The following CNTNAP2 variants were observed in gnomAD, a reference collection of about 807,000 sequenced individuals.
The protein encoded by CNTNAP2 is contactin-associated protein-like 2.
A neutral mutation model predicts 155.2 loss-of-function variants in CNTNAP2; 98 were observed. The ratio of observed to expected loss-of-function variants is 0.63; its 90% CI spans 0.54 to 0.75. CNTNAP2 has a LOEUF of 0.75. CNTNAP2 is among the 30% of genes least tolerant of loss of function. The pLI is 0.00. For missense variants in CNTNAP2, 1,727 were observed against 1,688.1 expected, an observed-to-expected ratio of 1.02 and a Z score of -0.40; for synonymous variants, 651 against 631.2, an observed-to-expected ratio of 1.03 and a Z score of -0.47.
At chr7:146,491,496 AATT>A (rs1227019843) in intron 1 of CNTNAP2, among the ~76,000 whole-genome samples, 2 of 151,556 alleles carry the variant, frequency 1.3e-5, no homozygotes, top group Non-Finnish European at 2.9e-5. Flanking sequence ...GGCGTTTTGG[AATT>A]ATTATCTGAG....
intron 13 of CNTNAP2, among the ~76,000 whole-genome samples, chr7:147,704,773 T>C (rs1796286089): frequency 6.6e-6 from 1 of 152,256 alleles, no homozygotes; most frequent in Non-Finnish European, 1.5e-5. Flanking sequence ...ATTGGTTCGT[T>C]CAGGCTTTTT....
chr7:146,434,407 C>G (rs1796213191), intron 1 of CNTNAP2, among the ~76,000 whole-genome samples: 1 of 152,118 alleles, frequency 6.6e-6, no homozygotes, highest in Non-Finnish European at 1.5e-5. Flanking sequence ...CTCTCTGGAT[C>G]CACAGGCTAA....
intron 1 of CNTNAP2, among the ~76,000 whole-genome samples, chr7:146,708,182 T>A (rs532922894): frequency 6.6e-6 from 1 of 152,300 alleles, no homozygotes; most frequent in Admixed American, 6.5e-5. Context: ...CCTTGTATTA[T>A]TAATTTTGAC....
intron 3 of CNTNAP2, among the ~76,000 whole-genome samples, chr7:146,968,278 T>G (rs1170540476): frequency 1.4e-4 from 22 of 152,156 alleles, no homozygotes; most frequent in East Asian, 5.8e-4. Flanking sequence ...TCTCTTTTTT[T>G]GTTGTGTCTC....
intron 13 of CNTNAP2, among the ~76,000 whole-genome samples, chr7:147,763,136 G>C (rs916788323): frequency 6.6e-6 from 1 of 152,070 alleles, no homozygotes; most frequent in Admixed American, 6.6e-5. Flanking sequence ...GCGCATGCCT[G>C]TAATCCCAGC....
At chr7:148,159,221 T>C (rs1805464872) in intron 17 of CNTNAP2, among the ~76,000 whole-genome samples, 2 of 152,202 alleles carry the variant, frequency 1.3e-5, no homozygotes, top group African/African-American at 4.8e-5. Flanking sequence ...TCCTCTTTCA[T>C]TTTAATTTCA....
intron 1 of CNTNAP2, among the ~76,000 whole-genome samples, chr7:146,742,793 G>A (rs1425399120): frequency 3.9e-5 from 6 of 152,052 alleles, no homozygotes; most frequent in South Asian, 4.1e-4. Context: ...TTCGGGAAAC[G>A]AGCTAGTATT....
chr7:146,524,692 CAT>C (rs1797662463), intron 1 of CNTNAP2, among the ~76,000 whole-genome samples: 4 of 152,066 alleles, frequency 2.6e-5, no homozygotes, highest in Admixed American at 2.6e-4. Flanking sequence ...GCTTATATCT[CAT>C]CTCATGTTAT....
At chr7:146,618,764 A>T (rs1799268758) in intron 1 of CNTNAP2, among the ~76,000 whole-genome samples, 1 of 152,180 alleles carries the variant, frequency 6.6e-6, no homozygotes, top group African/African-American at 2.4e-5. Flanking sequence ...AGTTGTGTCA[A>T]ACACCATATA....
intron 3 of CNTNAP2, among the ~76,000 whole-genome samples, chr7:146,938,089 G>T (rs1796961756): frequency 6.6e-6 from 1 of 152,110 alleles, no homozygotes; most frequent in Admixed American, 6.6e-5. Context: ...AAAAGAGGTA[G>T]TTAATCTATA....
At chr7:146,561,573 C>T (rs954942837) in intron 1 of CNTNAP2, among the ~76,000 whole-genome samples, 12 of 152,068 alleles carry the variant, frequency 7.9e-5, no homozygotes, top group African/African-American at 2.7e-4. Flanking sequence ...GCGGGAGCGT[C>T]GCTTGACCTA....
chr7:147,347,461 T>TATATACATATGC (rs1795892962), intron 9 of CNTNAP2, among the ~76,000 whole-genome samples: 1 of 62,552 alleles, frequency 1.6e-5, no homozygotes, highest in Non-Finnish European at 3.5e-5. Flanking sequence ...TATATGCATA[T>TATATACATATGC]ATATATATAT....
chr7:147,865,037 C>A (rs1056351294), intron 13 of CNTNAP2, among the ~76,000 whole-genome samples: 13 of 152,136 alleles, frequency 8.5e-5, no homozygotes, highest in Non-Finnish European at 1.5e-4. Context: ...AGTTTTTGCC[C>A]ATTCAGTATG....
At chr7:146,521,610 C>T (rs1237087769) in intron 1 of CNTNAP2, among the ~76,000 whole-genome samples, 2 of 151,922 alleles carry the variant, frequency 1.3e-5, no homozygotes, top group East Asian at 3.9e-4. Context: ...CTATGTTAAA[C>T]ACCAGAATTT....
intron 8 of CNTNAP2, among the ~76,000 whole-genome samples, chr7:147,188,083 A>G (rs532346592): frequency 6.6e-6 from 1 of 152,156 alleles, no homozygotes; most frequent in Non-Finnish European, 1.5e-5. Flanking sequence ...AAATAAAATG[A>G]GAGAAAAAAG....
rs183083247 is a variant in CNTNAP2 at position 147,663,147 on chromosome 7, C to T, written c.2098+23841C>T. Among the ~76,000 whole-genome samples the T allele has an allele frequency of 4.9e-3, 743 of 151,150 alleles. 5 individuals are homozygous for T. The highest frequency in any genetic ancestry group is 0.018 in the African/African-American group (723 of 41,030). ...CTGAGCAGCTGGGATTACAGGTGCC[C>T]ACAACCACGCCCGGCTAATTTTTGT... On this transcript the variant is annotated intron_variant, in intron 13 of 23. Transcript: ENST00000361727.
At chr7:147,523,468 A>G (rs1032121375) in intron 11 of CNTNAP2, among the ~76,000 whole-genome samples, 3 of 152,218 alleles carry the variant, frequency 2.0e-5, no homozygotes, top group Non-Finnish European at 2.9e-5. Context: ...ATACAAAGGC[A>G]TGAATACCAG....
intron 1 of CNTNAP2, among the ~76,000 whole-genome samples, chr7:146,685,384 T>C (rs1349297346): frequency 6.6e-6 from 1 of 152,182 alleles, no homozygotes; most frequent in Non-Finnish European, 1.5e-5. Flanking sequence ...GATTACTGAA[T>C]AGAACAGAGA....
intron 9 of CNTNAP2, among the ~76,000 whole-genome samples, chr7:147,361,656 T>C (rs1223484196): frequency 1.3e-5 from 2 of 152,192 alleles, no homozygotes; most frequent in Non-Finnish European, 2.9e-5. Flanking sequence ...ACTTATTGAG[T>C]AAGATAAACT....
Sources: allele counts gnomAD v4.1 joint callset (sites outside exome capture counted in the v4.1 genomes callset), GRCh38; gene constraint gnomAD v4.1.1; transcripts MANE v1.5; gene names NCBI Gene and HGNC (gene_info 2026-07-23, HGNC 2026-07-21).